The following RASGRF1 variants were observed in gnomAD, a reference collection of about 807,000 sequenced individuals.
RASGRF1 encodes the protein ras-specific guanine nucleotide-releasing factor 1.
In RASGRF1, 40 loss-of-function variants were observed where a neutral mutation model predicts 138.7. The ratio of observed to expected loss-of-function variants is 0.29; its 90% confidence interval spans 0.22 to 0.38. The LOEUF is 0.38. Ranked by LOEUF, RASGRF1 falls within the 10% of genes least tolerant of loss-of-function variation. RASGRF1 has a pLI of 1.00. For synonymous variants in RASGRF1, 614 were observed against 663.2 expected (o/e 0.93, Z 1.14); for missense variants, 1,108 against 1,650.4 (o/e 0.67, Z 5.69).
chr15:79,052,794 G>A (rs780495229), intron 3 of RASGRF1, among the ~76,000 whole-genome samples: 1 of 152,016 alleles, frequency 6.6e-6, no homozygotes, highest in Non-Finnish European at 1.5e-5. Flanking sequence ...GTGTGCCAGG[G>A]CAGCAGGTCT....
intron 9 of RASGRF1, among the ~76,000 whole-genome samples, chr15:79,025,722 C>A (rs929900994): frequency 6.6e-6 from 1 of 152,118 alleles, no homozygotes; most frequent in African/African-American, 2.4e-5. Flanking sequence ...AGGGGCTAAG[C>A]AAGCAAAGGA....
chr15:78,970,888 C>T (rs2055744968), intron 26 of RASGRF1, among the ~76,000 whole-genome samples: 1 of 149,016 alleles, frequency 6.7e-6, no homozygotes, highest in South Asian at 2.1e-4. Context: ...TTTAAAAATG[C>T]AAACTAGTCC....
intron 1 of RASGRF1, among the ~76,000 whole-genome samples, chr15:79,084,319 G>A (rs922722230): frequency 3.3e-5 from 5 of 151,108 alleles, no homozygotes; most frequent in African/African-American, 9.7e-5. Flanking sequence ...TAGTGTAGAC[G>A]AGCCGCCAAA....
chr15:79,006,220 T>C lies in RASGRF1; in HGVS notation c.2041A>G (p.Ile681Val). The change falls in exon 14 of 27, where the codon ATC becomes GTC. Residue 681 changes from isoleucine to valine, a missense_variant. Ile to Val is a conservative substitution (Grantham distance 29, BLOSUM62 3). This residue lies in a region of RASGRF1 where 686 missense variants were observed against 976.7 expected (regional missense o/e 0.70). Transcript: ENST00000558480. The surrounding 1 kb of genome is among the most constrained non-coding windows in gnomAD (Gnocchi z 4.0). ...AIVVLDKLIT[I>V]YKKPISAIPA... ...ATGGCACTGATAGGCTTCTTGTAGA[T>C]GGTAATGAGCTTGTCCAGGACCACG... 6.2e-7 allele frequency: 1 copy of C among 1,614,136 alleles called. No individual in the cohort carries two copies. The highest frequency in any genetic ancestry group is 8.5e-7 in the Non-Finnish European group (1 of 1,180,022).
intron 10 of RASGRF1, among the ~76,000 whole-genome samples, chr15:79,025,107 C>T (rs2057027874): frequency 6.6e-6 from 1 of 152,332 alleles, no homozygotes; most frequent in East Asian, 1.9e-4. Context: ...ACCTTCCCAT[C>T]TCCCAGGATT....
At chr15:78,976,964 G>A (rs548738364) in intron 24 of RASGRF1, among the ~76,000 whole-genome samples, 1 of 152,344 alleles carries the variant, frequency 6.6e-6, no homozygotes, top group Non-Finnish European at 1.5e-5. Context: ...TCTGGGCAAG[G>A]CCTCGCTGTC....
Position 79,027,199 on chromosome 15 carries a change from T to A in RASGRF1, c.1381+542A>T, listed in dbSNP as rs28404144. On this transcript the variant is annotated intron_variant, in intron 9 of 26. Transcript: ENST00000558480. The surrounding 1 kb of genome is among the most constrained non-coding windows in gnomAD (Gnocchi z 4.8). ...CACAGAGAGCCTTCACCCACCCCTC[T>A]CAACGGGGCCGTGCCTCTCAAACAC... Among the ~76,000 whole-genome samples the A allele has an allele frequency of 0.48, 73,646 of 151,956 alleles. 19,085 individuals carry two copies. The highest frequency in any genetic ancestry group is 0.64 in the South Asian group (3,067 of 4,808).
intron 1 of RASGRF1, among the ~76,000 whole-genome samples, chr15:79,070,276 A>G (rs1008439363): frequency 7.2e-5 from 11 of 152,312 alleles, no homozygotes; most frequent in African/African-American, 2.6e-4. Context: ...GTTTGGGTCA[A>G]AGAGCCCACT....
At chr15:79,021,497 C>T (rs2056960408) in intron 10 of RASGRF1, among the ~76,000 whole-genome samples, 1 of 152,252 alleles carries the variant, frequency 6.6e-6, no homozygotes, top group Non-Finnish European at 1.5e-5. Context: ...CCCCATCTAG[C>T]TCTGACATTC....
At chr15:78,996,034 G>A (rs1364447821) in intron 19 of RASGRF1, among the ~76,000 whole-genome samples, 1 of 152,200 alleles carries the variant, frequency 6.6e-6, no homozygotes, top group East Asian at 1.9e-4. Context: ...CCTGCATCTG[G>A]CTGGGTGGGA....
intron 1 of RASGRF1, among the ~76,000 whole-genome samples, chr15:79,076,175 A>G (rs1173626719): frequency 6.6e-6 from 1 of 152,174 alleles, no homozygotes; most frequent in East Asian, 1.9e-4. Context: ...TGTTCTGATT[A>G]TCTTTCCAGC....
At chr15:78,999,664 C>G (rs2056474992) in intron 17 of RASGRF1, 79 bp downstream of exon 17, 2 of 1,531,860 alleles carry the variant, frequency 1.3e-6, no homozygotes, top group Non-Finnish European at 1.8e-6. Context: ...AGAGCAAGTC[C>G]CCGGGACCAT....
intron 14 of RASGRF1, among the ~76,000 whole-genome samples, chr15:79,005,948 G>T (rs1157176422): frequency 6.6e-6 from 1 of 152,140 alleles, no homozygotes; most frequent in Non-Finnish European, 1.5e-5. Context: ...GGTGGAGATG[G>T]AAGCAGCTGA....
In RASGRF1 at chr15:78,998,153, A is replaced by C; in HGVS notation, c.2909T>G (p.Val970Gly). The C allele has an allele frequency of 6.2e-7, 1 of 1,614,096 alleles. No homozygotes were observed. Residue 970 changes from valine to glycine, a missense_variant, in exon 19 of 27, where the codon GTC (valine) becomes GGC (glycine). Transcript: ENST00000558480. ...KCKVIGFLEE[V>G]MHDPELLTQE... ...GGTCAGGAGCTCCGGGTCGTGCATG[A>C]CTTCTTCCAGGAAGCCGATCACCTT...
chr15:78,976,173 T>G (rs752040598), intron 24 of RASGRF1, among the ~76,000 whole-genome samples: 10 of 151,778 alleles, frequency 6.6e-5, no homozygotes, highest in Admixed American at 1.3e-4. Flanking sequence ...CTTCCCCTGG[T>G]ATTTATGGGG....
chr15:79,013,426 G>A (rs1186713881), intron 13 of RASGRF1, among the ~76,000 whole-genome samples: 1 of 152,246 alleles, frequency 6.6e-6, no homozygotes, highest in Non-Finnish European at 1.5e-5. Context: ...CACACAGTAG[G>A]TTCATAAAGG....
intron 10 of RASGRF1, among the ~76,000 whole-genome samples, chr15:79,024,389 TACAC>T (rs979622523): frequency 2.2e-4 from 33 of 150,222 alleles, no homozygotes; most frequent in African/African-American, 7.4e-4. Flanking sequence ...TATACACAAA[TACAC>T]ACATCATATA....
intron 11 of RASGRF1, among the ~76,000 whole-genome samples, chr15:79,019,648 T>C (rs1317801628): frequency 6.6e-6 from 1 of 152,168 alleles, no homozygotes; most frequent in Non-Finnish European, 1.5e-5. Context: ...CCAAGAGCCC[T>C]TGTGCATGTC....
chr15:78,991,899 G>A (rs1193131930), intron 20 of RASGRF1, 105 bp from the exon 21 acceptor site: 5 of 823,238 alleles, frequency 6.1e-6, no homozygotes, highest in Non-Finnish European at 8.2e-6. Flanking sequence ...AATTGGGTGG[G>A]CGGGTGGACG....
Sources: allele counts gnomAD v4.1 joint callset (sites outside exome capture counted in the v4.1 genomes callset), GRCh38; gene constraint gnomAD v4.1.1; regional missense constraint gnomAD v4.1.1; non-coding constraint Gnocchi (gnomAD v3.1); transcripts MANE v1.5; gene names NCBI Gene and HGNC (gene_info 2026-07-23, HGNC 2026-07-21).